SLCO1B1: variants seen among roughly 807,000 people sequenced by gnomAD.
The protein encoded by SLCO1B1 is solute carrier organic anion transporter family member 1B1, also known as OATP-2.
SLCO1B1 carries 81 observed loss-of-function variants against 70.1 expected under a neutral mutation model. The observed-to-expected ratio is 1.16, with a 90% CI of 0.97 to 1.39. The LOEUF is 1.39. SLCO1B1 is among the 40% of genes most tolerant of loss of function. The pLI is 0.00. For synonymous variants in SLCO1B1, 283 were observed against 271.5 expected, an observed-to-expected ratio of 1.04 and a Z score of -0.42; for missense variants, 895 against 799.6, an observed-to-expected ratio of 1.12 and a Z score of -1.44.
intron 11 of SLCO1B1, among the ~76,000 whole-genome samples, chr12:21,211,461 G>T (rs1214899141): frequency 2.0e-5 from 3 of 152,254 alleles, no homozygotes; most frequent in Non-Finnish European, 2.9e-5. Context: ...GATTCATTTT[G>T]CCAGTATTTT....
intron 12 of SLCO1B1, among the ~76,000 whole-genome samples, chr12:21,220,031 G>T (rs1176657705): frequency 1.3e-5 from 2 of 152,172 alleles, no homozygotes; most frequent in Non-Finnish European, 2.9e-5. Context: ...AAAGTGCTGG[G>T]ATTACAGGCC....
At chr12:21,218,323 CAT>C (rs1231122120) in intron 12 of SLCO1B1, among the ~76,000 whole-genome samples, 1 of 152,220 alleles carries the variant, frequency 6.6e-6, no homozygotes, top group East Asian at 1.9e-4. Flanking sequence ...AAACTTGTAA[CAT>C]GTAAATAATT....
chr12:21,131,920 T>C (rs1316011673), intron 1 of SLCO1B1, among the ~76,000 whole-genome samples: 1 of 152,108 alleles, frequency 6.6e-6, no homozygotes, highest in African/African-American at 2.4e-5. Context: ...ATGTGCCATG[T>C]TGGTGTGCTG....
At chr12:21,163,440 G>A (rs1940646480) in intron 2 of SLCO1B1, among the ~76,000 whole-genome samples, 1 of 151,988 alleles carries the variant, frequency 6.6e-6, no homozygotes, top group African/African-American at 2.4e-5. Context: ...ATTTCAAAGG[G>A]TGTTATTTGT....
intron 7 of SLCO1B1, among the ~76,000 whole-genome samples, chr12:21,181,913 TC>T (rs1940903694): frequency 6.6e-6 from 1 of 152,110 alleles, no homozygotes; most frequent in African/African-American, 2.4e-5. Context: ...GTTTAGATAC[TC>T]CACTATTTTA....
chr12:21,132,114 G>A (rs912775396), intron 1 of SLCO1B1, among the ~76,000 whole-genome samples: 1 of 152,032 alleles, frequency 6.6e-6, no homozygotes, highest in Non-Finnish European at 1.5e-5. Context: ...GCGATAGTTT[G>A]TTGAGAATGA....
At chr12:21,149,189 T>C (rs985874071) in intron 2 of SLCO1B1, among the ~76,000 whole-genome samples, 1 of 152,182 alleles carries the variant, frequency 6.6e-6, no homozygotes, top group Non-Finnish European at 1.5e-5. Context: ...TTTGACTTCC[T>C]CTCTTCTTAT....
chr12:21,178,990 A>C lies in SLCO1B1; in HGVS notation c.697A>C (p.Met233Leu). 1 of 1,609,984 alleles carries C rather than the reference A, an allele frequency of 6.2e-7. No homozygotes were observed. Among genetic ancestry groups the C allele is most frequent in the Non-Finnish European group, 8.5e-7 (1 of 1,176,586 alleles). The change falls in exon 7 of 15, where the codon ATG becomes CTG. Residue 233 changes from methionine to leucine, a missense_variant. Transcript: ENST00000256958. ...GFTLGSLFSK[M>L]YVDIGYVDLS... is the part of the protein sequence containing the mutation. ...TACCCTGGGATCTCTGTTTTCTAAA[A>C]TGTACGTGGATATTGGATATGTAGA...
At position 21,163,108 on chromosome 12, in the gene SLCO1B1, A is replaced by G. The variant is rs571836993; in HGVS notation, c.85-9542A>G. Among the ~76,000 whole-genome samples, 9 of 152,330 alleles carry G rather than the reference A, an allele frequency of 5.9e-5. No individual in the cohort carries two copies. The East Asian group carries it at 1.7e-3, about 29-fold the overall frequency. ...AAGGCATAGATTACAAAGAGAGTAT[A>G]TACACAATACCTGTCCAGAAGATGT... is the stretch of plus-strand genomic sequence containing the variant. On this transcript the variant is annotated intron_variant, in intron 2 of 14. Transcript: ENST00000256958.
chr12:21,153,787 A>G (rs1049909818), intron 2 of SLCO1B1, among the ~76,000 whole-genome samples: 1 of 152,032 alleles, frequency 6.6e-6, no homozygotes, highest in African/African-American at 2.4e-5. Context: ...TTAGGATGAT[A>G]TAATTCAATA....
At chr12:21,182,105 G>GCT (rs1018685300) in intron 7 of SLCO1B1, among the ~76,000 whole-genome samples, 4 of 152,134 alleles carry the variant, frequency 2.6e-5, no homozygotes, top group African/African-American at 7.2e-5. Context: ...AGTCAATAGA[G>GCT]AGGTGACACA....
At chr12:21,231,709 T>C (rs1941540899) in intron 14 of SLCO1B1, among the ~76,000 whole-genome samples, 1 of 152,018 alleles carries the variant, frequency 6.6e-6, no homozygotes, top group South Asian at 2.1e-4. Context: ...GTATATGCTA[T>C]ATATACATGT....
Position 21,217,239 on chromosome 12 carries a change from A to G in SLCO1B1, c.1618A>G (p.Ile540Val), listed in dbSNP as rs753723107. The G allele has an allele frequency of 7.4e-6, 12 of 1,613,794 alleles. No individual in the cohort carries two copies. Among genetic ancestry groups the G allele is most frequent in the East Asian group, 2.2e-5 (1 of 44,814 alleles). The change falls in exon 12 of 15, where the codon ATA (isoleucine) becomes GTA (valine). Residue 540 changes from isoleucine (I) to valine (V), a missense_variant. Transcript: ENST00000256958. ...CTRKFYFFVA[I>V]QVLNLFFSAL... ...AAGGAAATTTTACTTTTTTGTTGCA[A>G]TACAAGTCTTGAATTTATTTTTCTC...
At chr12:21,176,209 C>T (rs902509514) in intron 4 of SLCO1B1, among the ~76,000 whole-genome samples, 2 of 152,140 alleles carry the variant, frequency 1.3e-5, no homozygotes, top group African/African-American at 4.8e-5. Context: ...CTCTTTGAAG[C>T]TTAGCATAAT....
chr12:21,207,726 TAC>T (rs1941230880), intron 11 of SLCO1B1, among the ~76,000 whole-genome samples: 1 of 152,028 alleles, frequency 6.6e-6, no homozygotes, highest in Non-Finnish European at 1.5e-5. Context: ...GAAACTACTT[TAC>T]ACAGTGACTG....
rs146948094 is a variant in SLCO1B1 at position 21,238,427 on chromosome 12, A to T, written c.1866-552A>T. On this transcript the variant is annotated intron_variant, in intron 14 of 14. Coordinates refer to ENST00000256958, the MANE Select transcript of SLCO1B1 (RefSeq NM_006446.5). The stretch of plus-strand genomic sequence containing the variant: ...TTTTGAAAATTTCCACGTCCCGGAC[A>T]TATCTAGGTCTGGTTTAAAGCTTAC... Among the ~76,000 whole-genome samples the T allele has an allele frequency of 4.2e-4, 64 of 152,106 alleles. 2 individuals are homozygous for T. The East Asian group carries it at 0.011, about 26-fold the overall frequency.
At chr12:21,151,938 A>T (rs1362232162) in intron 2 of SLCO1B1, among the ~76,000 whole-genome samples, 1 of 151,608 alleles carries the variant, frequency 6.6e-6, no homozygotes, top group Non-Finnish European at 1.5e-5. Context: ...TCTGATACTA[A>T]TTTGGGGAAA....
intron 7 of SLCO1B1, among the ~76,000 whole-genome samples, chr12:21,193,823 C>T (rs550606272): frequency 3.4e-4 from 51 of 152,204 alleles, no homozygotes; most frequent in African/African-American, 1.2e-3. Flanking sequence ...CAGAGTCTCA[C>T]TCTGTGGCCC....
intron 2 of SLCO1B1, among the ~76,000 whole-genome samples, chr12:21,161,299 A>C (rs1472562176): frequency 6.6e-6 from 1 of 152,240 alleles, no homozygotes; most frequent in Non-Finnish European, 1.5e-5. Context: ...GATAAAGAAA[A>C]TGTGGTACAT....
Sources: allele counts gnomAD v4.1 joint callset (sites outside exome capture counted in the v4.1 genomes callset), GRCh38; gene constraint gnomAD v4.1.1; transcripts MANE v1.5; gene names NCBI Gene and HGNC (gene_info 2026-07-23, HGNC 2026-07-21).